AUNIP: variants seen among roughly 807,000 people sequenced by gnomAD.
AUNIP encodes aurora kinase A- and ninein-interacting protein.
Under a neutral mutation model 12.2 loss-of-function variants are expected in AUNIP, and 16 were observed. That is an observed-to-expected ratio of 1.31 (90% CI 0.88 to 1.99). AUNIP has a LOEUF of 1.99. Ranked by LOEUF, AUNIP falls within the 30% of genes most tolerant of loss-of-function variation. The pLI is 0.00. For synonymous variants in AUNIP, 142 were observed against 154.8 expected (o/e 0.92, Z 0.61); for missense variants, 411 against 419.1 (o/e 0.98, Z 0.17).
chr1:25,836,737 T>A (rs72879417), intron 2 of AUNIP, among the ~76,000 whole-genome samples: 2,808 of 152,324 alleles, frequency 0.018, 82 homozygotes, highest in African/African-American at 0.063. Context: ...TTGTTTTTTT[T>A]AAATCTGCCC....
At chr1:25,848,810 C>G (rs1436820645) in intron 1 of AUNIP, among the ~76,000 whole-genome samples, 1 of 152,224 alleles carries the variant, frequency 6.6e-6, no homozygotes, top group African/African-American at 2.4e-5. Context: ...TGGCAGTACT[C>G]TGTGTGTACT....
downstream of AUNIP, among the ~76,000 whole-genome samples, chr1:25,833,504 C>T (rs1454760834): frequency 6.6e-6 from 1 of 151,692 alleles, no homozygotes; most frequent in Admixed American, 6.6e-5. Flanking sequence ...TAAATTAGGC[C>T]AGGCACAGTG....
rs753227435 is a variant in AUNIP at position 25,859,400 on chromosome 1, C to T, written c.-43G>A. ...AGCCGGCAGGACGCCGGCGCAGGCT[C>T]CCGGCGCCTCAGGGAACGCCAGAAC... On this transcript the variant is annotated 5_prime_UTR_variant, in exon 1 of 3. Transcript: ENST00000374298. 4.1e-6 allele frequency: 6 copies of T among 1,467,270 alleles called. No individual in the cohort carries two copies. The highest frequency in any genetic ancestry group is 2.8e-5 in the East Asian group (1 of 35,208). 90.9% of individuals were successfully genotyped at this position (1,467,270 alleles called of 1,614,324 possible).
intron 2 of AUNIP, among the ~76,000 whole-genome samples, chr1:25,836,770 C>T (rs1031416646): frequency 1.3e-5 from 2 of 151,704 alleles, no homozygotes; most frequent in African/African-American, 2.4e-5. Flanking sequence ...AAAGAGTGTA[C>T]GTTTTTGTTT....
intron 1 of AUNIP, among the ~76,000 whole-genome samples, chr1:25,851,768 A>T (rs941874394): frequency 6.6e-6 from 1 of 151,836 alleles, no homozygotes. Flanking sequence ...AGACAGTCTC[A>T]CTCTGTCGCC....
In AUNIP at chr1:25,857,799, G is replaced by A. The variant is rs189753486; in HGVS notation, c.78+1481C>T. ...AATCGCTTGAACCCGGGAGGCAGAG[G>A]TTGCAGTGAGCTTAGATCGCGCCAC... is the stretch of plus-strand genomic sequence containing the variant. On this transcript the variant is annotated intron_variant, in intron 1 of 2. Transcript: ENST00000374298. Among the ~76,000 whole-genome samples the A allele has an allele frequency of 2.8e-3, 419 of 150,266 alleles. 2 individuals are homozygous for A. Among genetic ancestry groups the A allele is most frequent in the African/African-American group, 9.5e-3 (391 of 40,986 alleles).
At chr1:25,850,664 T>C (rs578190598) in intron 1 of AUNIP, among the ~76,000 whole-genome samples, 1 of 152,344 alleles carries the variant, frequency 6.6e-6, no homozygotes, top group East Asian at 1.9e-4. Flanking sequence ...TTTTATTCTA[T>C]TTGATTCTAT....
At chr1:25,842,547 A>G (rs1362499369) in intron 1 of AUNIP, among the ~76,000 whole-genome samples, 1 of 152,260 alleles carries the variant, frequency 6.6e-6, no homozygotes, top group Non-Finnish European at 1.5e-5. Flanking sequence ...GGCTACACAA[A>G]ACAACAGATT....
chr1:25,855,302 T>C (rs1332207783), intron 1 of AUNIP, among the ~76,000 whole-genome samples: 1 of 152,112 alleles, frequency 6.6e-6, no homozygotes, highest in African/African-American at 2.4e-5. Flanking sequence ...TGGACGTACA[T>C]TAAAACTGCC....
In AUNIP at chr1:25,838,701, G is replaced by A. The variant is rs573820902; in HGVS notation, c.79-1147C>T. ...ATGGAACTGGAAGATAGGCAAGAGA[G>A]GTTTGAAAAGTGAGTTGTCAACTAA... On this transcript the variant is annotated intron_variant, in intron 1 of 2. Transcript: ENST00000374298. Among the ~76,000 whole-genome samples the A allele has an allele frequency of 3.3e-5, 5 of 152,228 alleles. No homozygotes were observed. In the South Asian group the frequency reaches 6.2e-4, roughly 19 times the overall value.
chr1:25,852,637 G>A (rs894202508), intron 1 of AUNIP, among the ~76,000 whole-genome samples: 5 of 151,668 alleles, frequency 3.3e-5, no homozygotes, highest in South Asian at 2.1e-4. Context: ...ACAGGGTTTC[G>A]CCGTGTTGGC....
intron 1 of AUNIP, among the ~76,000 whole-genome samples, chr1:25,853,733 G>C (rs2048439192): frequency 6.6e-6 from 1 of 152,182 alleles, no homozygotes; most frequent in Non-Finnish European, 1.5e-5. Context: ...ACAATCATCT[G>C]AAGCCTTAAC....
intron 2 of AUNIP, 38 bp downstream of exon 2, chr1:25,837,375 C>T (rs1403831509): frequency 1.0e-5 from 16 of 1,580,940 alleles, no homozygotes; most frequent in Admixed American, 9.3e-5. Context: ...TCCTTTTTTG[C>T]TCTGGATAAT....
At chr1:25,853,407 A>C (rs1254047803) in intron 1 of AUNIP, among the ~76,000 whole-genome samples, 1 of 151,378 alleles carries the variant, frequency 6.6e-6, no homozygotes, top group Non-Finnish European at 1.5e-5. Flanking sequence ...GAACAGCCTG[A>C]CCAACATGGT....
intron 1 of AUNIP, 49 bp from the exon 2 acceptor site, chr1:25,837,603 C>G: frequency 6.4e-7 from 1 of 1,564,232 alleles, no homozygotes; most frequent in Non-Finnish European, 8.7e-7. Context: ...TATTAAAAGA[C>G]ATACAGTAGA....
In AUNIP at chr1:25,850,296, T is replaced by C. The variant is rs149678332; in HGVS notation, c.78+8984A>G. ...CTTTCAATTCCTTTGATCTATAATG[T>C]GTCTACCTTTATGACAGTATCAAAC... On this transcript the variant is annotated intron_variant, in intron 1 of 2. Transcript: ENST00000374298. Among the ~76,000 whole-genome samples the C allele has an allele frequency of 9.8e-5, 15 of 152,350 alleles. No individual in the cohort carries two copies. The East Asian group carries it at 2.9e-3, about 29-fold the overall frequency.
intron 1 of AUNIP, among the ~76,000 whole-genome samples, chr1:25,851,707 T>C (rs900268927): frequency 6.9e-6 from 1 of 144,438 alleles, no homozygotes; most frequent in Admixed American, 6.7e-5. Context: ...TGTGTTAGCA[T>C]ACAGTTGTTT....
chr1:25,851,280 T>C (rs533259482), intron 1 of AUNIP, among the ~76,000 whole-genome samples: 1 of 152,364 alleles, frequency 6.6e-6, no homozygotes, highest in African/African-American at 2.4e-5. Context: ...TTGTATTTTG[T>C]TGAGTATTTT....
downstream of AUNIP, chr1:25,832,253 A>G (rs776538386): frequency 4.7e-5 from 60 of 1,286,432 alleles, no homozygotes; most frequent in Non-Finnish European, 5.7e-5. Flanking sequence ...GTTTCAGGTA[A>G]TCGTGTAGAA....
Sources: allele counts gnomAD v4.1 joint callset (sites outside exome capture counted in the v4.1 genomes callset), GRCh38; gene constraint gnomAD v4.1.1; transcripts MANE v1.5; gene names NCBI Gene and HGNC (gene_info 2026-07-23, HGNC 2026-07-21).